The following GRM8 variants were observed in gnomAD, a reference collection of about 807,000 sequenced individuals.
The protein encoded by GRM8 is glutamate metabotropic receptor 8, also known as metabotropic glutamate receptor 8.
In GRM8, 47 loss-of-function variants were observed where a neutral mutation model predicts 87.2. The ratio of observed to expected loss-of-function variants is 0.54; its 90% confidence interval spans 0.43 to 0.69. The LOEUF is 0.69. Among genes scored for constraint, GRM8 ranks in the 30% least tolerant of loss-of-function variants. GRM8 has a pLI of 0.00. For synonymous variants in GRM8, 396 were observed against 404.5 expected (o/e 0.98, Z 0.25); for missense variants, 1,019 against 1,139.2 (o/e 0.89, Z 1.52).
intron 6 of GRM8, among the ~76,000 whole-genome samples, chr7:126,831,719 C>A (rs763954731): frequency 6.6e-6 from 1 of 152,074 alleles, no homozygotes; most frequent in Non-Finnish European, 1.5e-5. Context: ...GTCTGGCACT[C>A]CCTAGTGAGA....
At chr7:126,991,564 G>A (rs1812658810) in intron 3 of GRM8, among the ~76,000 whole-genome samples, 1 of 151,942 alleles carries the variant, frequency 6.6e-6, no homozygotes, top group Admixed American at 6.6e-5. Context: ...TTTTTAAAAA[G>A]GATTTGAGTC....
chr7:127,247,731 C>T (rs1055676198), intron 1 of GRM8, among the ~76,000 whole-genome samples: 9 of 152,114 alleles, frequency 5.9e-5, no homozygotes, highest in East Asian at 1.9e-4. Context: ...ATCTGTGAAA[C>T]GAGTGAGATG....
intron 6 of GRM8, chr7:126,869,636 C>G (rs1242186586): frequency 1.3e-5 from 2 of 152,146 alleles, no homozygotes; most frequent in East Asian, 3.9e-4. Context: ...GGTACATTGT[C>G]AATGAGCAGT....
intron 3 of GRM8, among the ~76,000 whole-genome samples, chr7:126,917,034 T>A (rs1211347533): frequency 6.6e-6 from 1 of 152,238 alleles, no homozygotes; most frequent in Non-Finnish European, 1.5e-5. Flanking sequence ...AGTGAATAGA[T>A]ATGTTTTGGA....
intron 2 of GRM8, among the ~76,000 whole-genome samples, chr7:127,139,353 G>A (rs1033706332): frequency 6.6e-6 from 1 of 152,150 alleles, no homozygotes; most frequent in East Asian, 1.9e-4. Context: ...CCAACCTTGA[G>A]GCAAACTATG....
At chr7:127,220,605 C>T (rs376001645) in intron 2 of GRM8, among the ~76,000 whole-genome samples, 16 of 152,036 alleles carry the variant, frequency 1.1e-4, no homozygotes, top group Admixed American at 5.9e-4. Context: ...CCATCTCAGT[C>T]TCCCAAGTAG....
intron 8 of GRM8, among the ~76,000 whole-genome samples, chr7:126,604,804 A>C: frequency 6.6e-6 from 1 of 152,142 alleles, no homozygotes; most frequent in East Asian, 1.9e-4. Flanking sequence ...TCCTGTCAGA[A>C]GTTTTTCTTC....
intron 2 of GRM8, among the ~76,000 whole-genome samples, chr7:127,114,432 AGGGG>A (rs1563523049): frequency 6.6e-6 from 1 of 152,144 alleles, no homozygotes; most frequent in African/African-American, 2.4e-5. Flanking sequence ...CCTGCACAAA[AGGGG>A]CCTGTGGTTA....
chr7:126,799,360 T>G (rs765037231), intron 6 of GRM8, among the ~76,000 whole-genome samples: 2 of 152,036 alleles, frequency 1.3e-5, no homozygotes, highest in Non-Finnish European at 2.9e-5. Flanking sequence ...GTGAGACAAA[T>G]AAGAAGATGG....
chr7:126,940,046 G>T (rs1806745555), intron 3 of GRM8, among the ~76,000 whole-genome samples: 1 of 152,138 alleles, frequency 6.6e-6, no homozygotes, highest in Non-Finnish European at 1.5e-5. Flanking sequence ...CATCCAGGGT[G>T]GACCAGGGGC....
At chr7:127,249,034 T>C (rs565546478) in intron 1 of GRM8, among the ~76,000 whole-genome samples, 7 of 152,326 alleles carry the variant, frequency 4.6e-5, no homozygotes, top group Non-Finnish European at 7.3e-5. Context: ...CTTCCTAAGT[T>C]GTAGGTACAA....
At chr7:126,521,419 C>G (rs937385074) in intron 9 of GRM8, among the ~76,000 whole-genome samples, 3 of 151,726 alleles carry the variant, frequency 2.0e-5, no homozygotes, top group Admixed American at 2.0e-4. Flanking sequence ...AATTCCTCTT[C>G]TAAAATCCCA....
In GRM8 at chr7:126,969,576, T is replaced by G. The variant is rs552575020; in HGVS notation, c.728-64893A>C. ...CATCAAATTCCACTTCTAATTCTAG[T>G]TCTCTTCTTATTTCCACCACATCTG... On this transcript the variant is annotated intron_variant, in intron 3 of 10. Coordinates refer to ENST00000339582, the MANE Select transcript of GRM8 (RefSeq NM_000845.3). 5.3e-5 allele frequency among the ~76,000 whole-genome samples: 8 copies of G among 152,268 alleles called. No individual in the cohort carries two copies. In the East Asian group the frequency reaches 1.2e-3, roughly 22 times the overall value.
chr7:126,445,167 A>G (rs1378048859), intron 10 of GRM8: 1 of 152,118 alleles, frequency 6.6e-6, no homozygotes. Flanking sequence ...CCTGTTTCAA[A>G]CAGAAAAAAC....
At chr7:126,819,499 T>A (rs1011267222) in intron 6 of GRM8, among the ~76,000 whole-genome samples, 2 of 152,186 alleles carry the variant, frequency 1.3e-5, no homozygotes, top group African/African-American at 4.8e-5. Flanking sequence ...TTAGTCTTCA[T>A]CATATTAATC....
At chr7:126,556,718 T>G (rs772872916) in intron 8 of GRM8, among the ~76,000 whole-genome samples, 17 of 152,138 alleles carry the variant, frequency 1.1e-4, no homozygotes, top group Non-Finnish European at 2.2e-4. Context: ...GAACCTCCAG[T>G]CTTGTAAATG....
At chr7:126,612,514 C>T (rs1304595688) in intron 7 of GRM8, among the ~76,000 whole-genome samples, 2 of 152,184 alleles carry the variant, frequency 1.3e-5, no homozygotes, top group African/African-American at 4.8e-5. Context: ...AGGTGCCCAA[C>T]CACCTCTTTA....
At chr7:126,720,845 A>G (rs891317810) in intron 7 of GRM8, among the ~76,000 whole-genome samples, 2 of 152,200 alleles carry the variant, frequency 1.3e-5, no homozygotes, top group African/African-American at 2.4e-5. Context: ...CAGAGGTAGA[A>G]TTTTCATTGG....
intron 6 of GRM8, among the ~76,000 whole-genome samples, chr7:126,831,604 A>G (rs966494722): frequency 6.6e-6 from 1 of 151,958 alleles, no homozygotes; most frequent in African/African-American, 2.4e-5. Context: ...GCCGTCTGTC[A>G]CCCCTTTCCT....
Sources: allele counts gnomAD v4.1 joint callset (sites outside exome capture counted in the v4.1 genomes callset), GRCh38; gene constraint gnomAD v4.1.1; transcripts MANE v1.5; gene names NCBI Gene and HGNC (gene_info 2026-07-23, HGNC 2026-07-21).